ASCC3: variants seen among roughly 807,000 people sequenced by gnomAD.
ASCC3 encodes the protein ASC-1 complex subunit P200.
Under a neutral mutation model 256.3 loss-of-function variants are expected in ASCC3, and 158 were observed. The ratio of observed to expected loss-of-function variants is 0.62; its 90% CI spans 0.54 to 0.70. ASCC3 has a LOEUF of 0.70. Among genes scored for constraint, ASCC3 ranks in the 30% least tolerant of loss-of-function variants. The probability of loss-of-function intolerance (pLI) is 0.00; values close to 1 mark genes in which losing one functional copy is unlikely to be tolerated. For missense variants in ASCC3, 2,259 were observed against 2,626.0 expected (o/e 0.86, Z 3.05); for synonymous variants, 948 against 883.4 (o/e 1.07, Z -1.30).
intron 3 of ASCC3, among the ~76,000 whole-genome samples, chr6:100,853,717 C>T (rs1772804351): frequency 6.6e-6 from 1 of 152,158 alleles, no homozygotes; most frequent in Non-Finnish European, 1.5e-5. Context: ...CCTATCTTGG[C>T]CTCCTAAAGG....
intron 25 of ASCC3, among the ~76,000 whole-genome samples, chr6:100,634,333 C>T (rs1562184638): frequency 6.6e-6 from 1 of 152,120 alleles, no homozygotes; most frequent in African/African-American, 2.4e-5. Context: ...TCGTATACAA[C>T]ACTAGAATTT....
chr6:100,683,604 C>A (rs1044674347), intron 13 of ASCC3, among the ~76,000 whole-genome samples: 29 of 152,026 alleles, frequency 1.9e-4, no homozygotes, highest in African/African-American at 7.0e-4. Context: ...AGTAATAGGA[C>A]AGCATTGTTT....
chr6:100,783,170 A>G (rs1782526307), intron 8 of ASCC3, among the ~76,000 whole-genome samples: 1 of 152,180 alleles, frequency 6.6e-6, no homozygotes, highest in Non-Finnish European at 1.5e-5. Flanking sequence ...TAGAAACAAA[A>G]TAGTAAGTTA....
chr6:100,582,486 G>A (rs1466765246), intron 36 of ASCC3, among the ~76,000 whole-genome samples: 3 of 151,614 alleles, frequency 2.0e-5, no homozygotes, highest in East Asian at 3.9e-4. Flanking sequence ...GAGATTTTGG[G>A]CTGAGACAAT....
chr6:100,764,662 C>G (rs1204024608), intron 10 of ASCC3, among the ~76,000 whole-genome samples: 1 of 152,050 alleles, frequency 6.6e-6, no homozygotes, highest in Non-Finnish European at 1.5e-5. Flanking sequence ...TGAATTAAAT[C>G]TATCAATATT....
At chr6:100,667,205 T>C (rs915915428) in intron 14 of ASCC3, among the ~76,000 whole-genome samples, 1 of 152,150 alleles carries the variant, frequency 6.6e-6, no homozygotes, top group Admixed American at 6.6e-5. Flanking sequence ...GATAGTTTGA[T>C]CAAAGAAGTC....
chr6:100,535,563 C>T (rs541804491), intron 37 of ASCC3, among the ~76,000 whole-genome samples: 122 of 151,044 alleles, frequency 8.1e-4, no homozygotes, highest in African/African-American at 2.8e-3. Flanking sequence ...TCCGCCTCCC[C>T]GGTTCAAGCA....
intron 8 of ASCC3, among the ~76,000 whole-genome samples, chr6:100,767,610 T>C (rs1781719577): frequency 1.3e-4 from 1 of 7,642 alleles, no homozygotes; most frequent in African/African-American, 1.4e-4. Context: ...CTTTTTGGTT[T>C]TTTTGGTTTT....
At chr6:100,749,263 C>T (rs1301777349) in intron 10 of ASCC3, among the ~76,000 whole-genome samples, 1 of 151,986 alleles carries the variant, frequency 6.6e-6, no homozygotes. Context: ...TAGGAATACT[C>T]TGCAGCTATC....
At chr6:100,618,610 C>T (rs548165446) in intron 30 of ASCC3, among the ~76,000 whole-genome samples, 3 of 152,142 alleles carry the variant, frequency 2.0e-5, no homozygotes, top group African/African-American at 4.8e-5. Context: ...CTTTTCCTCA[C>T]GAAGGCCCAG....
intron 10 of ASCC3, among the ~76,000 whole-genome samples, chr6:100,727,914 C>T (rs1362889860): frequency 6.6e-6 from 1 of 152,022 alleles, no homozygotes; most frequent in Non-Finnish European, 1.5e-5. Flanking sequence ...GTGTGGCTTA[C>T]ACATTTGCCA....
chr6:100,538,854 G>A (rs367975612), intron 37 of ASCC3, among the ~76,000 whole-genome samples: 1 of 151,348 alleles, frequency 6.6e-6, no homozygotes, highest in Non-Finnish European at 1.5e-5. Flanking sequence ...TTTAAAAATG[G>A]GTTTTATGAA....
At chr6:100,746,576 A>G (rs1260053788) in intron 10 of ASCC3, among the ~76,000 whole-genome samples, 1 of 152,150 alleles carries the variant, frequency 6.6e-6, no homozygotes, top group Non-Finnish European at 1.5e-5. Context: ...AGATTTGCAA[A>G]TGAATTAATA....
At chr6:100,826,063 A>C (rs1771291676) in intron 4 of ASCC3, among the ~76,000 whole-genome samples, 1 of 152,082 alleles carries the variant, frequency 6.6e-6, no homozygotes, top group Non-Finnish European at 1.5e-5. Flanking sequence ...ATATGCAGTC[A>C]AACAAAAGCC....
In ASCC3 at chr6:100,638,881, C is replaced by G. The variant is rs1198882564; in HGVS notation, c.3902-60G>C. ...TGAAAAACACGCATAATACTGAATA[C>G]TGTATTATAAATAATAGATTATAGT... On this transcript the variant is annotated intron_variant, in intron 24 of 41. Coordinates refer to ENST00000369162, the MANE Select transcript of ASCC3 (RefSeq NM_006828.4). 1.0e-5 allele frequency: 13 copies of G among 1,301,420 alleles called. No individual in the cohort carries two copies. The East Asian group carries it at 2.6e-4, about 26-fold the overall frequency. The allele number at this position is 1,301,420 out of a possible 1,614,324, so 80.6% of individuals were successfully genotyped here. A position where few individuals can be genotyped will look rare whatever the true frequency, so the allele number is the denominator to read the frequency against.
At chr6:100,567,507 T>G (rs919327163) in intron 36 of ASCC3, among the ~76,000 whole-genome samples, 23 of 152,190 alleles carry the variant, frequency 1.5e-4, no homozygotes, top group Non-Finnish European at 2.9e-5. Context: ...TATGAATGAT[T>G]CTATCACCCA....
chr6:100,628,901 TCA>T (rs1225965445), intron 27 of ASCC3, 112 bp downstream of exon 27: 13 of 1,008,846 alleles, frequency 1.3e-5, no homozygotes, highest in Admixed American at 8.9e-5. Flanking sequence ...CATCAAAAAA[TCA>T]CATTGTGCCC....
chr6:100,533,143 T>G (rs987659203), intron 37 of ASCC3, among the ~76,000 whole-genome samples: 7 of 152,136 alleles, frequency 4.6e-5, no homozygotes. Context: ...TAAAGTGTTT[T>G]CTTCAAAAGT....
intron 37 of ASCC3, among the ~76,000 whole-genome samples, chr6:100,521,943 T>C (rs1211565605): frequency 6.6e-6 from 1 of 152,200 alleles, no homozygotes; most frequent in Non-Finnish European, 1.5e-5. Flanking sequence ...AGACTGGGGA[T>C]GGCTTTGGTA....
Sources: allele counts gnomAD v4.1 joint callset (sites outside exome capture counted in the v4.1 genomes callset), GRCh38; gene constraint gnomAD v4.1.1; transcripts MANE v1.5; gene names NCBI Gene and HGNC (gene_info 2026-07-23, HGNC 2026-07-21).